TMEM68: variants seen among roughly 807,000 people sequenced by gnomAD.
TMEM68 encodes DGAT1/2-independent enzyme synthesizing storage lipids.
TMEM68 carries 25 observed loss-of-function variants against 36.9 expected under a neutral mutation model. That is an observed-to-expected ratio of 0.68 (90% CI 0.49 to 0.95). TMEM68 has a LOEUF of 0.95. TMEM68 is among the 40% of genes least tolerant of loss of function. TMEM68 has a pLI of 0.00. For missense variants in TMEM68, 333 were observed against 392.0 expected, an observed-to-expected ratio of 0.85 and a Z score of 1.27; for synonymous variants, 131 against 124.4, an observed-to-expected ratio of 1.05 and a Z score of -0.35.
rs758107288 is a variant in TMEM68, at chr8:55,762,868, A to T, written c.92T>A (p.Val31Glu). 3.1e-6 allele frequency: 5 copies of T among 1,614,100 alleles called. No individual in the cohort carries two copies. In the South Asian group the frequency reaches 5.5e-5, roughly 18 times the overall value. Residue 31 changes from valine (V) to glutamate (E), a missense_variant, in exon 3 of 8, where the codon GTG becomes GAG. Coordinates refer to ENST00000434581, the MANE Select transcript of TMEM68 (RefSeq NM_001286657.2). ...ATTCAAATAGTCCTCCAACTGCTCC[A>T]CACCAAACCATTCTTCGAGTATGTG... ...LIHILEEWFG[V>E]EQLEDYLNFA...
chr8:55,742,650 C>T (rs1810138993), intron 7 of TMEM68, among the ~76,000 whole-genome samples: 1 of 152,138 alleles, frequency 6.6e-6, no homozygotes, highest in Non-Finnish European at 1.5e-5. Context: ...TGATATCCTC[C>T]TACCTCAGCC....
intron 1 of TMEM68, among the ~76,000 whole-genome samples, chr8:55,770,685 G>T (rs1811126858): frequency 6.6e-6 from 1 of 151,964 alleles, no homozygotes; most frequent in Non-Finnish European, 1.5e-5. Context: ...TCGGGGGCAG[G>T]GGGGAACTCT....
At chr8:55,771,041 G>C (rs1053780621) in intron 1 of TMEM68, among the ~76,000 whole-genome samples, 15 of 152,010 alleles carry the variant, frequency 9.9e-5, no homozygotes, top group Admixed American at 8.5e-4. Flanking sequence ...TGTAAACCCA[G>C]CTACTCAGGA....
At position 55,756,165 on chromosome 8, in the gene TMEM68, A is replaced by C. The variant is rs1810601512; in HGVS notation, c.493+79T>G. ...AAAGCTTTTTCAAATGACGTTAGAG[A>C]GCTCAGGATAGAGACGACCACATAA... On this transcript the variant is annotated intron_variant, in intron 4 of 7. Coordinates refer to ENST00000434581, the MANE Select transcript of TMEM68 (RefSeq NM_001286657.2). 2.0e-5 allele frequency: 26 copies of C among 1,286,146 alleles called. No homozygotes were observed. The South Asian group carries it at 3.4e-4, about 17-fold the overall frequency. The allele number at this position is 1,286,146 out of a possible 1,614,324, so 79.7% of individuals were successfully genotyped here.
intron 4 of TMEM68, 135 bp from the exon 5 acceptor site, chr8:55,751,292 A>G: frequency 1.3e-6 from 1 of 769,828 alleles, no homozygotes; most frequent in East Asian, 2.9e-5. Flanking sequence ...AAAATCAACA[A>G]AAACTCTAAA....
intron 5 of TMEM68, among the ~76,000 whole-genome samples, chr8:55,750,108 G>A (rs938086372): frequency 6.6e-6 from 1 of 152,070 alleles, no homozygotes; most frequent in Admixed American, 6.6e-5. Flanking sequence ...CTTGAAAGTT[G>A]AACCATCTTT....
At chr8:55,770,599 G>A (rs573898445) in intron 1 of TMEM68, among the ~76,000 whole-genome samples, 14 of 152,076 alleles carry the variant, frequency 9.2e-5, no homozygotes, top group African/African-American at 2.4e-4. Flanking sequence ...GCTTGAGCCC[G>A]TGGAGTGAAG....
chr8:55,772,670 T>C (rs912860846), intron 1 of TMEM68, among the ~76,000 whole-genome samples: 3 of 152,192 alleles, frequency 2.0e-5, no homozygotes, highest in African/African-American at 7.2e-5. Flanking sequence ...CAGCCTCATG[T>C]AGTAGTTACT....
At chr8:55,751,242 G>T in intron 4 of TMEM68, 85 bp from the exon 5 acceptor site, 3 of 1,206,620 alleles carry the variant, frequency 2.5e-6, no homozygotes, top group Non-Finnish European at 3.5e-6. Context: ...ACTACATAGT[G>T]TACTATTTAT....
At chr8:55,756,475 G>T in intron 3 of TMEM68, 64 bp from the exon 4 acceptor site, 1 of 1,410,756 alleles carries the variant, frequency 7.1e-7, no homozygotes, top group Non-Finnish European at 9.4e-7. Flanking sequence ...AGTAAAGGAT[G>T]GTTGGTAGCT....
chr8:55,745,073 G>A lies in TMEM68; in HGVS notation c.736C>T (p.Leu246Phe), dbSNP rs1484292254. The A allele has an allele frequency of 6.7e-7, 1 of 1,492,510 alleles. No homozygotes were observed. Among genetic ancestry groups the A allele is most frequent in the South Asian group, 1.3e-5 (1 of 76,294 alleles). 92.5% of individuals were successfully genotyped at this position (1,492,510 alleles called of 1,614,324 possible). Reference protein sequence around the residue: ...TQNIREGFRSLGGTRLFRWLY... With the variant: ...TQNIREGFRSFGGTRLFRWLY... The stretch of plus-strand genomic sequence containing the variant: ...AATCAGAACTTACTTGTTCCTCCAA[G>A]TGATCTAAATCCTTCTCGAATATTT... Residue 246 changes from leucine (L) to phenylalanine (F), a missense_variant, in exon 6 of 8, where the codon CTT becomes TTT. Transcript: ENST00000434581.
At position 55,740,164 on chromosome 8, in the gene TMEM68, T is replaced by A; in HGVS notation, c.943A>T (p.Ile315Phe). The stretch of plus-strand genomic sequence containing the variant: ...AAACGTTCTAACAAAGCACTCATAA[T>A]GTTTCCTGGTATTCTTTGGTGCTTA... ...IDKHQRIPGN[I>F]MSALLERFH Residue 315 changes from isoleucine (I) to phenylalanine (F), a missense_variant, in exon 8 of 8, where the codon ATT becomes TTT. Physicochemically the swap from Ile to Phe is conservative, Grantham distance 21. Transcript: ENST00000434581. 6.2e-7 allele frequency: 1 copy of A among 1,613,598 alleles called. No homozygotes were observed. The highest frequency in any genetic ancestry group is 8.5e-7 in the Non-Finnish European group (1 of 1,179,892).
In TMEM68 at chr8:55,760,438, A is replaced by C. The variant is rs560241546; in HGVS notation, c.325+2197T>G. Among the ~76,000 whole-genome samples the C allele has an allele frequency of 3.3e-4, 51 of 152,344 alleles. 1 individual carries two copies. The highest frequency in any genetic ancestry group is 1.1e-3 in the African/African-American group (47 of 41,584). On this transcript the variant is annotated intron_variant, in intron 3 of 7. Coordinates refer to ENST00000434581, the MANE Select transcript of TMEM68 (RefSeq NM_001286657.2). ...CAAAGAAAAAGCGTGAAAAAGAAGG[A>C]AATCTAGAGTGGTTGTAATAGGAAA...
At chr8:55,756,562 CTCTT>C (rs1261857518) in intron 3 of TMEM68, 151 bp from the exon 4 acceptor site, 10 of 687,022 alleles carry the variant, frequency 1.5e-5, no homozygotes, top group East Asian at 3.1e-5. Context: ...CTTTCCTCTT[CTCTT>C]TCTTTCTTGA....
intron 1 of TMEM68, among the ~76,000 whole-genome samples, 169 bp from the exon 2 acceptor site, chr8:55,764,149 C>T (rs953474461): frequency 3.9e-5 from 6 of 152,182 alleles, no homozygotes; most frequent in Non-Finnish European, 7.3e-5. Context: ...AAAAAGTACA[C>T]TCATGCTACC....
intron 4 of TMEM68, among the ~76,000 whole-genome samples, chr8:55,754,898 TAC>T (rs1491307696): frequency 7.8e-6 from 1 of 128,640 alleles, no homozygotes; most frequent in Non-Finnish European, 1.6e-5. Context: ...ATATATAAAA[TAC>T]ATATATTATA....
intron 1 of TMEM68, among the ~76,000 whole-genome samples, chr8:55,767,984 T>C (rs925470324): frequency 2.0e-5 from 3 of 151,970 alleles, no homozygotes; most frequent in Admixed American, 1.3e-4. Flanking sequence ...CACCCAACAT[T>C]TTAGAAGTTG....
intron 4 of TMEM68, among the ~76,000 whole-genome samples, chr8:55,754,970 CACACACAT>C (rs1416993946): frequency 1.2e-4 from 12 of 100,724 alleles, no homozygotes; most frequent in Admixed American, 8.6e-4. Context: ...CACACACACA[CACACACAT>C]AGCCTTTATA....
intron 7 of TMEM68, among the ~76,000 whole-genome samples, chr8:55,740,520 C>T (rs1190411650): frequency 2.6e-5 from 4 of 151,778 alleles, no homozygotes; most frequent in South Asian, 2.1e-4. Context: ...TTGTTGTCCA[C>T]GTGTCTATTT....
Sources: gnomAD v4.1 joint callset for allele counts (sites outside exome capture counted in the v4.1 genomes callset) on GRCh38, gnomAD v4.1.1 for gene constraint, MANE v1.5 for transcripts, NCBI Gene and HGNC (gene_info 2026-07-23, HGNC 2026-07-21) for gene names.